AVEN: variants seen among roughly 807,000 people sequenced by gnomAD.
The protein encoded by AVEN is apoptosis and caspase activation inhibitor, also known as cell death regulator Aven.
AVEN carries 41 observed loss-of-function variants against 38.1 expected under a neutral mutation model. The observed-to-expected ratio is 1.08, with a 90% CI of 0.84 to 1.40. The LOEUF is 1.40. AVEN is among the 40% of genes most tolerant of loss of function. The pLI, the probability that AVEN is intolerant of heterozygous loss-of-function variation, is 0.00. For synonymous variants in AVEN, 206 were observed against 171.8 expected (o/e 1.20, Z -1.56); for missense variants, 605 against 438.8 (o/e 1.38, Z -3.38).
At chr15:34,041,922 G>C (rs1410214829), upstream of AVEN, among the ~76,000 whole-genome samples, 1 of 152,026 alleles carries the variant, frequency 6.6e-6, no homozygotes, top group Admixed American at 6.6e-5. Flanking sequence ...GAAGTCCGGG[G>C]GTATGTTACT....
chr15:33,994,293 A>G (rs1208322367), intron 2 of AVEN, among the ~76,000 whole-genome samples: 1 of 152,210 alleles, frequency 6.6e-6, no homozygotes, highest in East Asian at 1.9e-4. Context: ...TCCAGGTTGC[A>G]CGCTCCTTAT....
At chr15:34,002,087 A>G (rs1026130134) in intron 2 of AVEN, among the ~76,000 whole-genome samples, 42 of 152,208 alleles carry the variant, frequency 2.8e-4, no homozygotes, top group African/African-American at 9.9e-4. Flanking sequence ...CAATGATAAC[A>G]TTTTGCAAAA....
intron 1 of AVEN, among the ~76,000 whole-genome samples, chr15:34,033,821 T>A (rs1268959578): frequency 6.6e-6 from 1 of 152,150 alleles, no homozygotes; most frequent in East Asian, 1.9e-4. Context: ...TGGAGTCTCA[T>A]TCTGTCTCCA....
chr15:33,853,853 A>G, downstream of AVEN, among the ~76,000 whole-genome samples: 1 of 152,150 alleles, frequency 6.6e-6, no homozygotes, highest in East Asian at 1.9e-4. Context: ...TTTGAAGACT[A>G]ATACATTTTT....
chr15:33,887,001 A>C (rs1300958912), intron 2 of AVEN, among the ~76,000 whole-genome samples: 1 of 152,246 alleles, frequency 6.6e-6, no homozygotes, highest in Non-Finnish European at 1.5e-5. Context: ...GCATCTATCA[A>C]TTAAGGTTTT....
chr15:33,922,183 T>A (rs1893421321), intron 2 of AVEN, among the ~76,000 whole-genome samples: 1 of 152,188 alleles, frequency 6.6e-6, no homozygotes, highest in Non-Finnish European at 1.5e-5. Context: ...ATATGTCACA[T>A]AAGTTATGCA....
intron 2 of AVEN, chr15:34,067,060 C>G (rs1459421341): frequency 6.6e-6 from 1 of 152,122 alleles, no homozygotes; most frequent in Non-Finnish European, 1.5e-5. Context: ...AGATCTTAGG[C>G]CTTCTATGCC....
intron 2 of AVEN, among the ~76,000 whole-genome samples, chr15:33,958,289 ACTT>A (rs756514832): frequency 9.2e-5 from 14 of 152,190 alleles, no homozygotes; most frequent in South Asian, 4.2e-4. Context: ...TAATAAGAAA[ACTT>A]CTTCTCGCCA....
chr15:33,901,018 G>A (rs1892475717), intron 2 of AVEN, among the ~76,000 whole-genome samples: 1 of 152,164 alleles, frequency 6.6e-6, no homozygotes, highest in Non-Finnish European at 1.5e-5. Context: ...TGTAATCCCA[G>A]GACTTTGGGA....
chr15:33,906,938 A>G (rs1892726380), intron 2 of AVEN, among the ~76,000 whole-genome samples: 1 of 152,060 alleles, frequency 6.6e-6, no homozygotes, highest in African/African-American at 2.4e-5. Flanking sequence ...TCTAGTTTTT[A>G]AAAAGGGGTG....
intron 2 of AVEN, among the ~76,000 whole-genome samples, chr15:33,950,500 G>A (rs1199335343): frequency 6.6e-6 from 1 of 151,902 alleles, no homozygotes. Flanking sequence ...AAGCTGAGAG[G>A]AAAAAAAGAA....
intron 5 of AVEN, among the ~76,000 whole-genome samples, chr15:34,051,860 C>T (rs1281856157): frequency 6.7e-6 from 1 of 150,160 alleles, no homozygotes; most frequent in African/African-American, 2.4e-5. Context: ...GCCTACCAAC[C>T]AAAAAAAGAA....
chr15:33,915,244 C>A (rs1893085124), intron 2 of AVEN, among the ~76,000 whole-genome samples: 1 of 152,080 alleles, frequency 6.6e-6, no homozygotes, highest in Admixed American at 6.5e-5. Flanking sequence ...AGAACTACTG[C>A]AGGAACATAT....
At chr15:33,865,398 T>TAATGGACATACACTGTGGGAG, downstream of AVEN, 1 of 588,730 alleles carries the variant, frequency 1.7e-6, no homozygotes, top group Admixed American at 3.1e-5. Context: ...TTTTTGTGCC[T>TAATGGACATACACTGTGGGAG]AATGGACATA....
intron 2 of AVEN, among the ~76,000 whole-genome samples, chr15:33,976,042 G>A (rs560973267): frequency 6.6e-6 from 1 of 152,290 alleles, no homozygotes; most frequent in African/African-American, 2.4e-5. Flanking sequence ...TTCCAGGTTT[G>A]TGAACTCTGC....
At chr15:33,990,504 T>C (rs1207043374) in intron 2 of AVEN, among the ~76,000 whole-genome samples, 2 of 152,246 alleles carry the variant, frequency 1.3e-5, no homozygotes, top group Non-Finnish European at 2.9e-5. Flanking sequence ...GGAATACAAC[T>C]TAAACTCAGA....
Position 34,038,968 on chromosome 15 carries a change from CG to C in AVEN, c.78del (p.Ser26ArgfsTer10). 9.0e-7 allele frequency: 1 copy of C among 1,110,286 alleles called. No individual in the cohort carries two copies. Among genetic ancestry groups the C allele is most frequent in the Non-Finnish European group, 1.1e-6 (1 of 913,588 alleles). The allele number at this position is 1,110,286 out of a possible 1,614,324, so 68.8% of individuals were successfully genotyped here. ...ACCGCCGCTGCGGCTCCGGGCCGCT[CG>C]CTGTGGCGATCTCCGCCAGGCCGGC... ...GRGRPGGDRH[S>X]ERPGAAAAVA... is the part of the protein sequence containing the mutation. On this transcript the variant is annotated frameshift_variant, in exon 1 of 6. Transcript: ENST00000306730. LOFTEE classifies it high-confidence loss of function.
intron 5 of AVEN, among the ~76,000 whole-genome samples, chr15:34,054,602 T>C (rs1333261854): frequency 6.6e-6 from 1 of 152,180 alleles, no homozygotes; most frequent in Non-Finnish European, 1.5e-5. Context: ...AAACACCGCA[T>C]GTTCTCACTT....
At chr15:33,914,511 A>G (rs1893045360) in intron 2 of AVEN, among the ~76,000 whole-genome samples, 1 of 151,878 alleles carries the variant, frequency 6.6e-6, no homozygotes, top group African/African-American at 2.4e-5. Context: ...AATAAACTCC[A>G]AATGCCTCCA....
Sources: allele counts gnomAD v4.1 joint callset (sites outside exome capture counted in the v4.1 genomes callset), GRCh38; gene constraint gnomAD v4.1.1; transcripts MANE v1.5; gene names NCBI Gene and HGNC (gene_info 2026-07-23, HGNC 2026-07-21).